Variants in CCDC38 observed in about 807,000 individuals in gnomAD.
CCDC38 encodes the protein coiled-coil domain-containing protein 38.
Under a neutral mutation model 72.8 loss-of-function variants are expected in CCDC38, and 69 were observed. The ratio of observed to expected loss-of-function variants is 0.95; its 90% CI spans 0.78 to 1.16. The LOEUF (loss-of-function observed/expected upper bound fraction) is 1.16, where lower values mean the gene tolerates loss of function less well. CCDC38 is among the 50% of genes most tolerant of loss of function. The probability of loss-of-function intolerance (pLI) is 0.00; values close to 1 mark genes in which losing one functional copy is unlikely to be tolerated. For missense variants in CCDC38, 626 were observed against 638.9 expected (o/e 0.98, Z 0.22); for synonymous variants, 201 against 213.2 (o/e 0.94, Z 0.50).
At chr12:95,916,440 CT>C (rs1042409582) in intron 4 of CCDC38, among the ~76,000 whole-genome samples, 2 of 148,972 alleles carry the variant, frequency 1.3e-5, no homozygotes, top group African/African-American at 5.1e-5. Flanking sequence ...TTATTTTAAA[CT>C]TTTTAATTTA....
intron 2 of CCDC38, chr12:95,933,909 G>T (rs937665531): frequency 6.6e-6 from 1 of 152,068 alleles, no homozygotes; most frequent in African/African-American, 2.4e-5. Context: ...TGGGCATGGT[G>T]GCTCACTCCT....
chr12:95,867,201 G>A lies in CCDC38; in HGVS notation c.1579-12C>T. 7 of 1,407,252 alleles carry A rather than the reference G, an allele frequency of 5.0e-6. No homozygotes were observed. The highest frequency in any genetic ancestry group is 6.0e-6 in the Non-Finnish European group (6 of 1,004,850). The allele number at this position is 1,407,252 out of a possible 1,614,324, so 87.2% of individuals were successfully genotyped here. A position where few individuals can be genotyped will look rare whatever the true frequency, so the allele number is the denominator to read the frequency against. The stretch of plus-strand genomic sequence containing the variant: ...AGTCGTCTTCCCAACTGAAACAAAA[G>A]AAAAACAAAATACTTAATATTTTTT... On this transcript the variant is annotated splice_polypyrimidine_tract_variant and intron_variant, in intron 15 of 15. Coordinates refer to ENST00000344280, the MANE Select transcript of CCDC38 (RefSeq NM_182496.3).
chr12:95,913,571 T>C (rs1353216620), intron 4 of CCDC38, among the ~76,000 whole-genome samples: 1 of 152,174 alleles, frequency 6.6e-6, no homozygotes, highest in Non-Finnish European at 1.5e-5. Context: ...CCTCTGTTAT[T>C]GGAAGCCACT....
intron 8 of CCDC38, 81 bp from the exon 9 acceptor site, chr12:95,891,011 A>G: frequency 2.6e-6 from 2 of 761,068 alleles, no homozygotes; most frequent in East Asian, 2.6e-5. Flanking sequence ...GCTTTGTCTC[A>G]GGGTGAAGAT....
chr12:95,919,772 T>C (rs1592794880), intron 2 of CCDC38: 3 of 377,820 alleles, frequency 7.9e-6, no homozygotes, highest in South Asian at 5.9e-5. Context: ...ATACAGCCAC[T>C]ACCCTTAGGG....
At chr12:95,920,788 G>A (rs953452225) in intron 2 of CCDC38, among the ~76,000 whole-genome samples, 1 of 151,996 alleles carries the variant, frequency 6.6e-6, no homozygotes, top group African/African-American at 2.4e-5. Flanking sequence ...AGTGATGGTT[G>A]CACATAATTG....
chr12:95,936,105 AAAAT>A (rs925239805), intron 2 of CCDC38, among the ~76,000 whole-genome samples: 128 of 152,178 alleles, frequency 8.4e-4, no homozygotes, highest in African/African-American at 2.3e-3. Flanking sequence ...TAAATAAAAT[AAAAT>A]AAATAAAAAT....
intron 2 of CCDC38, among the ~76,000 whole-genome samples, chr12:95,930,242 T>C (rs915527469): frequency 6.6e-6 from 1 of 152,158 alleles, no homozygotes; most frequent in Non-Finnish European, 1.5e-5. Flanking sequence ...CCTAGTCACA[T>C]AGGACTAGGG....
At position 95,918,991 on chromosome 12, in the gene CCDC38, A is replaced by G; in HGVS notation, c.38-15T>C. 1 of 1,459,356 alleles carries G rather than the reference A, an allele frequency of 6.9e-7. No homozygotes were observed. The highest frequency in any genetic ancestry group is 9.6e-7 in the Non-Finnish European group (1 of 1,040,170). The allele number at this position is 1,459,356 out of a possible 1,614,324, so 90.4% of individuals were successfully genotyped here. A position where few individuals can be genotyped will look rare whatever the true frequency, so the allele number is the denominator to read the frequency against. On this transcript the variant is annotated splice_polypyrimidine_tract_variant and intron_variant, in intron 2 of 15. Coordinates refer to ENST00000344280, the MANE Select transcript of CCDC38 (RefSeq NM_182496.3). ...TTTTACTTTACCTGTTAAAAAAGAA[A>G]GAATGAATGAATGAATTCTGTCATC... is the stretch of plus-strand genomic sequence containing the variant.
chr12:95,905,619 G>C (rs968977727), intron 5 of CCDC38, among the ~76,000 whole-genome samples: 5 of 152,172 alleles, frequency 3.3e-5, no homozygotes, highest in Admixed American at 1.3e-4. Context: ...GAAAAGTCAA[G>C]TACATTGTTA....
intron 2 of CCDC38, among the ~76,000 whole-genome samples, chr12:95,926,787 A>G (rs1327576048): frequency 6.6e-6 from 1 of 150,684 alleles, no homozygotes; most frequent in East Asian, 1.9e-4. Flanking sequence ...TTCTTCCTTC[A>G]TTTGGTTATG....
At chr12:95,937,126 A>G (rs1265748416) in intron 1 of CCDC38, among the ~76,000 whole-genome samples, 2 of 152,258 alleles carry the variant, frequency 1.3e-5, no homozygotes, top group Non-Finnish European at 2.9e-5. Flanking sequence ...TTAAATGTTA[A>G]TGCAATATAT....
At chr12:95,867,569 G>T (rs2079534940) in intron 15 of CCDC38, among the ~76,000 whole-genome samples, 2 of 152,132 alleles carry the variant, frequency 1.3e-5, no homozygotes, top group Admixed American at 1.3e-4. Flanking sequence ...GGAAGAGATG[G>T]CTTTCTCCTG....
At chr12:95,939,474 A>G (rs2080427078) in intron 1 of CCDC38, among the ~76,000 whole-genome samples, 1 of 152,204 alleles carries the variant, frequency 6.6e-6, no homozygotes, top group South Asian at 2.1e-4. Context: ...AGATAATGCT[A>G]TCCCTTCCTT....
At chr12:95,870,818 G>A (rs1400380828) in intron 14 of CCDC38, among the ~76,000 whole-genome samples, 3 of 152,168 alleles carry the variant, frequency 2.0e-5, no homozygotes, top group African/African-American at 7.2e-5. Flanking sequence ...CCATAAAGTA[G>A]TAGGCAATAA....
chr12:95,881,606 T>G, intron 10 of CCDC38, 52 bp from the exon 11 acceptor site: 1 of 1,463,872 alleles, frequency 6.8e-7, no homozygotes, highest in Non-Finnish European at 9.5e-7. Context: ...CCATTTTCTG[T>G]CAACAGGTTT....
intron 5 of CCDC38, among the ~76,000 whole-genome samples, chr12:95,901,267 TG>T (rs1401002098): frequency 1.3e-5 from 2 of 151,872 alleles, no homozygotes; most frequent in Non-Finnish European, 2.9e-5. Flanking sequence ...AGTGGAAAAA[TG>T]GAATTGCTAT....
chr12:95,903,571 C>A (rs904530846), intron 5 of CCDC38: 24 of 632,578 alleles, frequency 3.8e-5, no homozygotes, highest in Non-Finnish European at 5.8e-5. Context: ...CTCTTCTGTT[C>A]CTACTTTGCT....
Position 95,906,448 on chromosome 12 carries a change from GA to G in CCDC38, c.307del (p.Ser103ProfsTer38). On this transcript the variant is annotated frameshift_variant and splice_region_variant, in exon 5 of 16. Transcript: ENST00000344280. LOFTEE classifies it high-confidence loss of function. ...PAPIPRLIEG[S>X]DTKRTVHEFI... Reference sequence around the variant, plus strand: ...TTCATGGACAGTCCTTTTTGTGTCGGAACCTGTGAAGAAAGTTGAAATAGAC... The same window carrying G: ...TTCATGGACAGTCCTTTTTGTGTCGGACCTGTGAAGAAAGTTGAAATAGAC... 6.2e-7 allele frequency: 1 copy of G among 1,610,774 alleles called. No homozygotes were observed. The highest frequency in any genetic ancestry group is 8.5e-7 in the Non-Finnish European group (1 of 1,177,588).
Sources: gnomAD v4.1 joint callset for allele counts (sites outside exome capture counted in the v4.1 genomes callset) on GRCh38, gnomAD v4.1.1 for gene constraint, MANE v1.5 for transcripts, NCBI Gene and HGNC (gene_info 2026-07-23, HGNC 2026-07-21) for gene names.